The following KCNMA1 variants were observed in gnomAD, a reference collection of about 807,000 sequenced individuals.
KCNMA1 encodes potassium calcium-activated channel subfamily M alpha 1.
A neutral mutation model predicts 140.0 loss-of-function variants in KCNMA1; 29 were observed. The observed-to-expected ratio is 0.21, with a 90% CI of 0.15 to 0.28. The LOEUF is 0.28. KCNMA1 is among the 10% of genes least tolerant of loss of function. KCNMA1 has a pLI of 1.00. For synonymous variants in KCNMA1, 612 were observed against 611.9 expected, an observed-to-expected ratio of 1.00 and a Z score of 0.00; for missense variants, 880 against 1,602.2, an observed-to-expected ratio of 0.55 and a Z score of 7.70.
At chr10:77,583,861 T>A (rs2076504634) in intron 1 of KCNMA1, among the ~76,000 whole-genome samples, 1 of 152,166 alleles carries the variant, frequency 6.6e-6, no homozygotes, top group African/African-American at 2.4e-5. Flanking sequence ...TCCTGATCAC[T>A]ACTCAGGAAG....
At chr10:77,180,068 C>T (rs1212184665) in intron 5 of KCNMA1, among the ~76,000 whole-genome samples, 2 of 152,182 alleles carry the variant, frequency 1.3e-5, no homozygotes, top group Non-Finnish European at 2.9e-5. Context: ...TTTTATCTCC[C>T]ACAGAGCCAG....
At chr10:77,125,036 T>C (rs1414449669) in intron 5 of KCNMA1, among the ~76,000 whole-genome samples, 1 of 152,110 alleles carries the variant, frequency 6.6e-6, no homozygotes, top group Non-Finnish European at 1.5e-5. Context: ...TCAGATTTCG[T>C]GAGAACTCAC....
chr10:77,131,378 G>C (rs1183564326), intron 5 of KCNMA1, among the ~76,000 whole-genome samples: 1 of 152,002 alleles, frequency 6.6e-6, no homozygotes, highest in Non-Finnish European at 1.5e-5. Context: ...GGCTGAGCAA[G>C]ACTCCATCTC....
chr10:76,923,428 CAAAAAAAA>C (rs926235292), intron 23 of KCNMA1, among the ~76,000 whole-genome samples: 3 of 89,196 alleles, frequency 3.4e-5, no homozygotes, highest in Non-Finnish European at 4.3e-5. Context: ...GACTCCGTCT[CAAAAAAAA>C]AAAAAAAAAG....
At chr10:77,506,596 A>AGAGAGAGAGAGAGGGTGTGTGTGT in intron 1 of KCNMA1, among the ~76,000 whole-genome samples, 1 of 83,532 alleles carries the variant, frequency 1.2e-5, no homozygotes, top group African/African-American at 7.5e-5. Context: ...AGAGAGAGAG[A>AGAGAGAGAGAGAGGGTGTGTGTGT]GTGTGTGTGT....
At chr10:77,017,899 T>C (rs1004921969) in intron 17 of KCNMA1, among the ~76,000 whole-genome samples, 2 of 152,126 alleles carry the variant, frequency 1.3e-5, no homozygotes, top group African/African-American at 2.4e-5. Context: ...AAGTTTTAGA[T>C]ACAGAGAACC....
chr10:76,889,736 C>T (rs1284556165), intron 26 of KCNMA1, 167 bp from the exon 27 acceptor site: 4 of 692,052 alleles, frequency 5.8e-6, no homozygotes, highest in South Asian at 4.7e-5. Context: ...GTTTAACAGA[C>T]TACACCCAAT....
intron 5 of KCNMA1, chr10:77,140,742 G>A (rs2098146793): frequency 6.6e-6 from 1 of 152,294 alleles, no homozygotes; most frequent in African/African-American, 2.4e-5. Context: ...TCTGGGCACT[G>A]GATGCACGCA....
At chr10:76,977,855 A>T (rs551249989) in intron 19 of KCNMA1, 1 of 532,376 alleles carries the variant, frequency 1.9e-6, no homozygotes, top group African/African-American at 1.9e-5. Flanking sequence ...TCCACCCAGT[A>T]CTTTGGAAAG....
chr10:77,544,149 G>GCT (rs200092576), intron 1 of KCNMA1, among the ~76,000 whole-genome samples: 886 of 86,678 alleles, frequency 0.01, 7 homozygotes, highest in African/African-American at 0.03. Context: ...TATCTTTCCA[G>GCT]CTGTGTGTGT....
In KCNMA1 at chr10:77,049,053, C is replaced by T. The variant is rs143861463; in HGVS notation, c.1750-9416G>A. ...TGCTGAGATTACAGACGTGAGCCAC[C>T]GCGCCCGGCCAGAACGTGATATTTA... On this transcript the variant is annotated intron_variant, in intron 14 of 27. Transcript: ENST00000286628. 8.5e-3 allele frequency among the ~76,000 whole-genome samples: 1,292 copies of T among 152,186 alleles called. 22 individuals carry two copies. The highest frequency in any genetic ancestry group is 0.03 in the African/African-American group (1,232 of 41,518).
intron 2 of KCNMA1, among the ~76,000 whole-genome samples, chr10:77,301,245 ACCTG>A (rs1231700217): frequency 2.0e-5 from 3 of 152,306 alleles, no homozygotes; most frequent in Admixed American, 2.0e-4. Context: ...AAATGAGAAA[ACCTG>A]CCTCAAATGG....
At chr10:76,917,899 T>C (rs1455319707) in intron 23 of KCNMA1, among the ~76,000 whole-genome samples, 1 of 152,184 alleles carries the variant, frequency 6.6e-6, no homozygotes, top group African/African-American at 2.4e-5. Flanking sequence ...TTGCCCCAGA[T>C]TCCTTAAATG....
chr10:77,231,690 C>G (rs147480263), intron 3 of KCNMA1, among the ~76,000 whole-genome samples: 2 of 152,242 alleles, frequency 1.3e-5, no homozygotes, highest in Non-Finnish European at 2.9e-5. Flanking sequence ...CCAATGGCCT[C>G]GGACCTCTCC....
intron 1 of KCNMA1, among the ~76,000 whole-genome samples, chr10:77,538,451 C>T (rs1411765401): frequency 6.6e-6 from 1 of 152,180 alleles, no homozygotes; most frequent in African/African-American, 2.4e-5. Flanking sequence ...TCTCTTCCAA[C>T]TCTAGAGCTT....
chr10:77,134,786 CAGG>C (rs1373428293), intron 5 of KCNMA1, among the ~76,000 whole-genome samples: 1 of 151,768 alleles, frequency 6.6e-6, no homozygotes, highest in Admixed American at 6.6e-5. Context: ...ATCACAAGAT[CAGG>C]AGATCGAGAC....
chr10:77,143,657 G>A (rs1378070457), intron 5 of KCNMA1, among the ~76,000 whole-genome samples: 1 of 152,142 alleles, frequency 6.6e-6, no homozygotes. Flanking sequence ...ACACAGCAGA[G>A]TGTCTTGAGG....
chr10:77,342,806 G>C (rs2091266599), intron 2 of KCNMA1, among the ~76,000 whole-genome samples: 1 of 152,194 alleles, frequency 6.6e-6, no homozygotes, highest in South Asian at 2.1e-4. Flanking sequence ...GCACATAATT[G>C]AACAAGTTCT....
intron 1 of KCNMA1, chr10:77,636,745 A>G (rs879312210): frequency 3.4e-6 from 5 of 1,486,228 alleles, no homozygotes; most frequent in Non-Finnish European, 3.6e-6. Context: ...GTGCAAAATT[A>G]TTCTCTCCCT....
Sources: gnomAD v4.1 joint callset for allele counts (sites outside exome capture counted in the v4.1 genomes callset) on GRCh38, gnomAD v4.1.1 for gene constraint, MANE v1.5 for transcripts, NCBI Gene and HGNC (gene_info 2026-07-23, HGNC 2026-07-21) for gene names.